Variants in ZNF624 observed in about 807,000 individuals in gnomAD.
ZNF624 encodes the protein zinc finger protein 624.
Under a neutral mutation model 74.7 loss-of-function variants are expected in ZNF624, and 43 were observed. The observed-to-expected ratio is 0.58, with a 90% CI of 0.45 to 0.74. The LOEUF is 0.74. Ranked by LOEUF, ZNF624 falls within the 30% of genes least tolerant of loss-of-function variation. The pLI is 0.00. For missense variants in ZNF624, 820 were observed against 1,030.0 expected (o/e 0.80, Z 2.79); for synonymous variants, 331 against 341.3 (o/e 0.97, Z 0.33).
At chr17:16,626,576 G>T (rs1909077898) in intron 5 of ZNF624, among the ~76,000 whole-genome samples, 1 of 151,896 alleles carries the variant, frequency 6.6e-6, no homozygotes. Context: ...AACACAGTGA[G>T]ACCCCATCTC....
At chr17:16,636,897 G>A (rs999223387) in intron 3 of ZNF624, among the ~76,000 whole-genome samples, 1 of 152,108 alleles carries the variant, frequency 6.6e-6, no homozygotes. Flanking sequence ...GTGAGAGAGG[G>A]CATCCCTGTC....
In ZNF624 at chr17:16,649,648, C is replaced by T; in HGVS notation, c.87+10G>A. 1 of 1,613,340 alleles carries T rather than the reference C, an allele frequency of 6.2e-7. No individual in the cohort carries two copies. Among genetic ancestry groups the T allele is most frequent in the Non-Finnish European group, 8.5e-7 (1 of 1,179,346 alleles). On this transcript the variant is annotated intron_variant, in intron 2 of 5. Coordinates refer to ENST00000311331, the MANE Select transcript of ZNF624 (RefSeq NM_020787.4). ...AGATAGTAGGTCAAAAACAGGGAAT[C>T]CCAACTTACCAGGCGTCCAACTGAG...
chr17:16,645,539 T>C (rs773179304), intron 3 of ZNF624, among the ~76,000 whole-genome samples: 3 of 151,788 alleles, frequency 2.0e-5, no homozygotes, highest in Non-Finnish European at 2.9e-5. Flanking sequence ...CAATCTTCTA[T>C]AGTTTCTTTG....
At chr17:16,618,595 T>C (rs1431124738), downstream of ZNF624, among the ~76,000 whole-genome samples, 1 of 152,172 alleles carries the variant, frequency 6.6e-6, no homozygotes, top group Admixed American at 6.5e-5. Flanking sequence ...CAGTTTACCC[T>C]TGAGCACAAG....
Position 16,624,492 on chromosome 17 carries a change from C to T in ZNF624, c.394G>A (p.Ala132Thr), listed in dbSNP as rs1193095693. 6.4e-7 allele frequency: 1 copy of T among 1,564,464 alleles called. No individual in the cohort carries two copies. Among genetic ancestry groups the T allele is most frequent in the African/African-American group, 1.4e-5 (1 of 72,388 alleles). ...IPYPDMEPKP[A>T]TKKATRTKAI... ...TTTGTTCGTGTAGCCTTCTTGGTTG[C>T]AGGTTTGGGCTCCATGTCTGGGGCA... Residue 132 changes from alanine (A) to threonine (T), a missense_variant, in exon 6 of 6, where the codon GCA (alanine) becomes ACA (threonine). Ala to Thr is a moderately conservative substitution (Grantham distance 58, BLOSUM62 0). Transcript: ENST00000311331.
chr17:16,653,165 C>T (rs902108161), intron 1 of ZNF624, among the ~76,000 whole-genome samples: 1 of 152,248 alleles, frequency 6.6e-6, no homozygotes, highest in African/African-American at 2.4e-5. Flanking sequence ...TGCAATAATA[C>T]CATTGTCATG....
intron 1 of ZNF624, among the ~76,000 whole-genome samples, chr17:16,653,190 G>A (rs1909768684): frequency 6.6e-6 from 1 of 152,238 alleles, no homozygotes; most frequent in East Asian, 1.9e-4. Flanking sequence ...GGAGTGACAA[G>A]TGATTAAAAG....
At chr17:16,616,051 A>G (rs1252283924), downstream of ZNF624, among the ~76,000 whole-genome samples, 1 of 148,720 alleles carries the variant, frequency 6.7e-6, no homozygotes, top group Non-Finnish European at 1.5e-5. Flanking sequence ...AAATGAAATT[A>G]AAATAATAGC....
intron 1 of ZNF624, among the ~76,000 whole-genome samples, chr17:16,651,689 T>G (rs2142670266): frequency 6.6e-6 from 1 of 152,298 alleles, no homozygotes; most frequent in South Asian, 2.1e-4. Context: ...CATAGAGCCT[T>G]TTGCAAATCT....
At chr17:16,638,994 TAAGG>T (rs1400970011) in intron 3 of ZNF624, among the ~76,000 whole-genome samples, 1 of 152,118 alleles carries the variant, frequency 6.6e-6, no homozygotes, top group African/African-American at 2.4e-5. Flanking sequence ...ATCATCACAA[TAAGG>T]AAGGTGCTAT....
chr17:16,653,034 T>C (rs1213187791), intron 1 of ZNF624, among the ~76,000 whole-genome samples: 3 of 152,254 alleles, frequency 2.0e-5, no homozygotes, highest in Non-Finnish European at 4.4e-5. Context: ...ATCCAGAGAC[T>C]TAAGGAGAAA....
In ZNF624 at chr17:16,622,600, C is replaced by A. The variant is rs1908948156; in HGVS notation, c.2286G>T (p.Arg762Ser). 6.2e-7 allele frequency: 1 copy of A among 1,613,914 alleles called. No individual in the cohort carries two copies. The highest frequency in any genetic ancestry group is 8.5e-7 in the Non-Finnish European group (1 of 1,179,922). The change falls in exon 6 of 6, where the codon AGG becomes AGT. Residue 762 changes from arginine (R) to serine (S), a missense_variant. Transcript: ENST00000311331. ...YKCDVCGKAFRRGSYLTVHWR... is the reference protein window; with the variant it reads ...YKCDVCGKAFSRGSYLTVHWR... The stretch of plus-strand genomic sequence containing the variant: ...AATGCACTGTAAGGTAAGAACCCCT[C>A]CTGAAGGCTTTTCCACAGACATCAC...
intron 3 of ZNF624, among the ~76,000 whole-genome samples, chr17:16,636,514 A>G (rs1191221205): frequency 6.6e-6 from 1 of 152,184 alleles, no homozygotes; most frequent in Non-Finnish European, 1.5e-5. Context: ...AGCAATATGC[A>G]ATGACATTGC....
In ZNF624 at chr17:16,653,842, G is replaced by T. The variant is rs1010805140; in HGVS notation, c.-81C>A. The T allele has an allele frequency of 6.5e-6, 1 of 152,814 alleles. No homozygotes were observed. Among genetic ancestry groups the T allele is most frequent in the Non-Finnish European group, 1.5e-5 (1 of 68,146 alleles). 9.5% of individuals were successfully genotyped at this position (152,814 alleles called of 1,614,324 possible). A position where few individuals can be genotyped will look rare whatever the true frequency, so the allele number is the denominator to read the frequency against. ...CTTCCAGCAATGGCGGCGGCTCGGC[G>T]GTGCCGGCCTCCAGGCAGGGCATTG... is the stretch of plus-strand genomic sequence containing the variant. On this transcript the variant is annotated 5_prime_UTR_variant, in exon 1 of 6. Transcript: ENST00000311331.
At position 16,624,120 on chromosome 17, in the gene ZNF624, C is replaced by A; in HGVS notation, c.766G>T (p.Ala256Ser). The A allele has an allele frequency of 1.9e-6, 3 of 1,614,118 alleles. No homozygotes were observed. The highest frequency in any genetic ancestry group is 2.2e-5 in the South Asian group (2 of 91,076). Residue 256 changes from alanine (A) to serine (S), a missense_variant, in exon 6 of 6, where the codon GCC (alanine) becomes TCC (serine). Transcript: ENST00000311331. ...IICKEMKGSK[A>S]IRQTSELTLG... ...GTTAGTTCTGAAGTCTGCCTTATGG[C>A]TTTGCTGCCTTTCATCTCCTTGCAA...
intron 5 of ZNF624, among the ~76,000 whole-genome samples, chr17:16,630,291 T>C (rs1180634809): frequency 2.0e-5 from 3 of 152,052 alleles, no homozygotes; most frequent in Non-Finnish European, 2.9e-5. Context: ...GCGTGGTGGC[T>C]ATTGCTTGTA....
Position 16,621,379 on chromosome 17 carries a change from G to C in ZNF624, c.*909C>G, listed in dbSNP as rs1439389344. ...CAAACATGTTTATTTACATTCTTAT[G>C]CATTGATGCTGCTTTTATTTCTAAC... On this transcript the variant is annotated 3_prime_UTR_variant, in exon 6 of 6. Transcript: ENST00000311331. 1 of 152,222 alleles carries C rather than the reference G, an allele frequency of 6.6e-6. No homozygotes were observed. Among genetic ancestry groups the C allele is most frequent in the Non-Finnish European group, 1.5e-5 (1 of 68,032 alleles). 9.4% of individuals were successfully genotyped at this position (152,222 alleles called of 1,614,324 possible). A position where few individuals can be genotyped will look rare whatever the true frequency, so the allele number is the denominator to read the frequency against.
intron 3 of ZNF624, among the ~76,000 whole-genome samples, chr17:16,641,677 G>T (rs1569046901): frequency 6.6e-6 from 1 of 152,234 alleles, no homozygotes; most frequent in Non-Finnish European, 1.5e-5. Context: ...CAGGAAAGGA[G>T]AAAGCAAATT....
chr17:16,651,376 G>A lies in ZNF624; in HGVS notation c.-2-1630C>T, dbSNP rs576803781. On this transcript the variant is annotated intron_variant, in intron 1 of 5. Coordinates refer to ENST00000311331, the MANE Select transcript of ZNF624 (RefSeq NM_020787.4). Reference sequence around the variant, plus strand: ...ACTTGGGAGGTGGAGGTTGCAGTGAGCAGAGATTGTGTCACTGCACTCCTG... The same window carrying A: ...ACTTGGGAGGTGGAGGTTGCAGTGAACAGAGATTGTGTCACTGCACTCCTG... Among the ~76,000 whole-genome samples the A allele has an allele frequency of 1.8e-4, 27 of 150,608 alleles. No individual in the cohort carries two copies. In the East Asian group the frequency reaches 5.1e-3, roughly 28 times the overall value.
Sources: gnomAD v4.1 joint callset for allele counts (sites outside exome capture counted in the v4.1 genomes callset) on GRCh38, gnomAD v4.1.1 for gene constraint, MANE v1.5 for transcripts, NCBI Gene and HGNC (gene_info 2026-07-23, HGNC 2026-07-21) for gene names.